LYAR: variants seen among roughly 807,000 people sequenced by gnomAD.
LYAR encodes cell growth-regulating nucleolar protein.
In LYAR, 37 loss-of-function variants were observed where a neutral mutation model predicts 45.2. The ratio of observed to expected loss-of-function variants is 0.82; its 90% CI spans 0.63 to 1.08. The LOEUF is 1.08. Ranked by LOEUF, LYAR falls within the 50% of genes least tolerant of loss-of-function variation. LYAR has a pLI of 0.00. For synonymous variants in LYAR, 176 were observed against 155.1 expected (o/e 1.14, Z -1.00); for missense variants, 493 against 451.0 (o/e 1.09, Z -0.84).
chr4:4,274,499 C>T lies in LYAR; in HGVS notation c.700G>A (p.Gly234Ser). ...KKGQEADLEA[G>S]GEEVPEANGS... ...TTGGCCTCAGGGACTTCCTCCCCAC[C>T]AGCCTCAAGGTCAGCCTCCTGTCCC... The change falls in exon 7 of 10, where the codon GGT becomes AGT. Residue 234 changes from glycine to serine, a missense_variant. By Grantham distance (56) the Gly-to-Ser change is moderately conservative. Coordinates refer to ENST00000343470, the MANE Select transcript of LYAR (RefSeq NM_017816.3). 6.2e-7 allele frequency: 1 copy of T among 1,614,214 alleles called. No individual in the cohort carries two copies. The highest frequency in any genetic ancestry group is 8.5e-7 in the Non-Finnish European group (1 of 1,180,032).
chr4:4,276,157 GGAAA>G (rs1216480787), intron 6 of LYAR, among the ~76,000 whole-genome samples: 1 of 152,136 alleles, frequency 6.6e-6, no homozygotes. Flanking sequence ...GCCTCTGGAG[GGAAA>G]GAGAGTGGCC....
At chr4:4,268,710 G>A in intron 8 of LYAR, 95 bp from the exon 9 acceptor site, 1 of 748,518 alleles carries the variant, frequency 1.3e-6, no homozygotes, top group South Asian at 1.7e-5. Flanking sequence ...TGCTTCCCAG[G>A]AAATGAGCTA....
chr4:4,287,193 G>A (rs774966364), intron 1 of LYAR, among the ~76,000 whole-genome samples: 28 of 152,194 alleles, frequency 1.8e-4, no homozygotes, highest in Middle Eastern at 6.8e-3. Flanking sequence ...CAGTCCCAGC[G>A]CAGCCAGAGA....
intron 6 of LYAR, among the ~76,000 whole-genome samples, chr4:4,277,653 C>T (rs1450063272): frequency 2.0e-5 from 3 of 152,210 alleles, no homozygotes; most frequent in Non-Finnish European, 4.4e-5. Context: ...TGGCTTCTTC[C>T]CAGTGCTGAT....
chr4:4,287,257 G>A (rs139409490), intron 1 of LYAR, among the ~76,000 whole-genome samples: 291 of 152,288 alleles, frequency 1.9e-3, no homozygotes, highest in African/African-American at 6.6e-3. Context: ...AGAAAGGCAG[G>A]CAGAAGGCAG....
intron 6 of LYAR, among the ~76,000 whole-genome samples, chr4:4,277,948 A>G (rs924332268): frequency 6.6e-6 from 1 of 152,234 alleles, no homozygotes; most frequent in Non-Finnish European, 1.5e-5. Flanking sequence ...GTAAGGGATG[A>G]CAAGCTGCGT....
chr4:4,284,855 A>C (rs1719543324), intron 2 of LYAR, among the ~76,000 whole-genome samples: 2 of 152,140 alleles, frequency 1.3e-5, no homozygotes, highest in South Asian at 4.1e-4. Flanking sequence ...GGTCAAGTAA[A>C]CCGATGCAAT....
chr4:4,271,258 A>C (rs929435688), intron 8 of LYAR, among the ~76,000 whole-genome samples: 1 of 152,110 alleles, frequency 6.6e-6, no homozygotes, highest in African/African-American at 2.4e-5. Context: ...ATAAGTGAAA[A>C]CATGCTATGC....
intron 3 of LYAR, among the ~76,000 whole-genome samples, chr4:4,282,390 T>A (rs1719428398): frequency 6.6e-6 from 1 of 152,170 alleles, no homozygotes; most frequent in African/African-American, 2.4e-5. Context: ...ATATAATCTT[T>A]GTAAAGCTCT....
intron 1 of LYAR, among the ~76,000 whole-genome samples, chr4:4,289,259 G>A (rs953420301): frequency 7.9e-5 from 12 of 152,080 alleles, no homozygotes; most frequent in African/African-American, 2.4e-4. Flanking sequence ...CCCCACCCAC[G>A]GCATCACCAG....
At chr4:4,269,340 C>A (rs934796592) in intron 8 of LYAR, among the ~76,000 whole-genome samples, 1 of 152,212 alleles carries the variant, frequency 6.6e-6, no homozygotes, top group East Asian at 1.9e-4. Context: ...ATAATAACAA[C>A]CCTACTGCAG....
intron 1 of LYAR, 110 bp from the exon 2 acceptor site, chr4:4,286,682 T>G (rs968329314): frequency 1.4e-5 from 2 of 146,434 alleles, no homozygotes; most frequent in Admixed American, 7.1e-5. Flanking sequence ...AGTCTCGCTT[T>G]GTCGCCCAGG....
intron 8 of LYAR, 122 bp downstream of exon 8, chr4:4,273,461 T>G: frequency 3.0e-6 from 2 of 670,206 alleles, no homozygotes; most frequent in Non-Finnish European, 5.3e-6. Flanking sequence ...CGCCCATGGC[T>G]CACTACAGCC....
At chr4:4,279,845 T>C (rs971004262) in intron 4 of LYAR, 96 bp from the exon 5 acceptor site, 1 of 732,412 alleles carries the variant, frequency 1.4e-6, no homozygotes, top group African/African-American at 1.8e-5. Context: ...GGCTAAAGCG[T>C]TCACGTTTTA....
intron 8 of LYAR, chr4:4,268,920 G>A (rs1352677293): frequency 8.8e-6 from 2 of 226,960 alleles, no homozygotes; most frequent in Non-Finnish European, 1.7e-5. Flanking sequence ...TCATGGGGCT[G>A]TCCATGCACA....
intron 3 of LYAR, among the ~76,000 whole-genome samples, chr4:4,282,120 C>T (rs1013144667): frequency 1.3e-5 from 2 of 152,178 alleles, no homozygotes; most frequent in East Asian, 3.8e-4. Context: ...CCAAACTTTT[C>T]CCCCATTTTT....
intron 9 of LYAR, 118 bp from the exon 10 acceptor site, chr4:4,268,141 G>A (rs1003444798): frequency 1.4e-4 from 132 of 938,528 alleles, no homozygotes; most frequent in Non-Finnish European, 1.9e-4. Flanking sequence ...AGGAGCAAGC[G>A]ACACCGGCGT....
At chr4:4,286,460 C>A (rs1249351899) in intron 2 of LYAR, 59 bp downstream of exon 2, 2 of 151,928 alleles carry the variant, frequency 1.3e-5, no homozygotes, top group Middle Eastern at 3.2e-3. Flanking sequence ...AAATTCAGTC[C>A]CTCTAATGGA....
At chr4:4,279,422 A>G (rs1560095225) in intron 6 of LYAR, 25 bp downstream of exon 6, 1 of 1,500,790 alleles carries the variant, frequency 6.7e-7, no homozygotes, top group African/African-American at 1.4e-5. Flanking sequence ...GCCACAATGC[A>G]AATCTAAAAT....
Sources: gnomAD v4.1 joint callset for allele counts (sites outside exome capture counted in the v4.1 genomes callset) on GRCh38, gnomAD v4.1.1 for gene constraint, MANE v1.5 for transcripts, NCBI Gene and HGNC (gene_info 2026-07-23, HGNC 2026-07-21) for gene names.